Variants in NCKAP1 observed in about 807,000 individuals in gnomAD.
The protein encoded by NCKAP1 is NCK associated protein 1.
NCKAP1 carries 21 observed loss-of-function variants against 151.2 expected under a neutral mutation model. The ratio of observed to expected loss-of-function variants is 0.14; its 90% CI spans 0.10 to 0.20. NCKAP1 has a LOEUF of 0.20. NCKAP1 is among the 10% of genes least tolerant of loss of function. The pLI, the probability that NCKAP1 is intolerant of heterozygous loss-of-function variation, is 1.00. For missense variants in NCKAP1, 933 were observed against 1,352.1 expected, an observed-to-expected ratio of 0.69 and a Z score of 4.86; for synonymous variants, 484 against 451.8, an observed-to-expected ratio of 1.07 and a Z score of -0.90.
intron 1 of NCKAP1, among the ~76,000 whole-genome samples, chr2:183,033,649 A>T (rs539007934): frequency 2.6e-5 from 4 of 152,240 alleles, no homozygotes; most frequent in Non-Finnish European, 5.9e-5. Context: ...AGTAACTGAA[A>T]GAATAGCTCA....
intron 15 of NCKAP1, among the ~76,000 whole-genome samples, chr2:182,968,401 T>C (rs2105840087): frequency 6.6e-6 from 1 of 152,302 alleles, no homozygotes; most frequent in East Asian, 1.9e-4. Context: ...TGTTGGGAGA[T>C]ACTCCTGCAT....
intron 16 of NCKAP1, among the ~76,000 whole-genome samples, chr2:182,966,782 C>A (rs889135922): frequency 6.6e-6 from 1 of 152,180 alleles, no homozygotes; most frequent in Non-Finnish European, 1.5e-5. Flanking sequence ...AAGCACAATG[C>A]AGGAGGTAGT....
chr2:182,948,469 A>G (rs1207847798), intron 23 of NCKAP1, among the ~76,000 whole-genome samples: 1 of 152,164 alleles, frequency 6.6e-6, no homozygotes, highest in Admixed American at 6.5e-5. Context: ...TCCAAAATAT[A>G]AGAGAGAAAT....
In NCKAP1 at chr2:182,967,354, G is replaced by A; in HGVS notation, c.1490C>T (p.Thr497Ile). 1 of 1,597,076 alleles carries A rather than the reference G, an allele frequency of 6.3e-7. No homozygotes were observed. The highest frequency in any genetic ancestry group is 8.5e-7 in the Non-Finnish European group (1 of 1,174,096). Residue 497 changes from threonine to isoleucine, a missense_variant, in exon 16 of 31, where the codon ACT becomes ATT. Thr to Ile is a moderately conservative substitution (Grantham distance 89, BLOSUM62 -1). Coordinates refer to ENST00000361354, the MANE Select transcript of NCKAP1 (RefSeq NM_013436.5). ...GCCAAGTGAAGCCTTTGAGACACTAGTATATGCCTATAAAGTACAAAAAAA... is the reference window on the plus strand; with the variant it reads ...GCCAAGTGAAGCCTTTGAGACACTAATATATGCCTATAAAGTACAAAAAAA... Reference protein sequence around the residue: ...RLDWFRLQAYTSVSKASLGLA... With the variant: ...RLDWFRLQAYISVSKASLGLA...
chr2:182,996,338 C>T (rs980408540), intron 6 of NCKAP1, among the ~76,000 whole-genome samples: 4 of 152,200 alleles, frequency 2.6e-5, no homozygotes, highest in East Asian at 1.9e-4. Flanking sequence ...TCTTTATCAA[C>T]GGGTTTGTTG....
intron 1 of NCKAP1, among the ~76,000 whole-genome samples, chr2:183,025,904 A>T (rs1400565847): frequency 2.0e-5 from 3 of 152,212 alleles, no homozygotes; most frequent in Non-Finnish European, 4.4e-5. Context: ...GTTGTCTTTC[A>T]TATTCTAACT....
intron 23 of NCKAP1, among the ~76,000 whole-genome samples, chr2:182,951,241 A>G (rs533082927): frequency 7.2e-5 from 11 of 152,310 alleles, no homozygotes; most frequent in African/African-American, 2.6e-4. Context: ...GCAAAATACT[A>G]TTAAGTTTGT....
chr2:182,991,563 G>GAATAA lies in NCKAP1; in HGVS notation c.791-2382_791-2378dup, dbSNP rs974126033. Among the ~76,000 whole-genome samples the GAATAA allele has an allele frequency of 4.7e-5, 7 of 149,438 alleles. No homozygotes were observed. The South Asian group carries it at 6.4e-4, about 14-fold the overall frequency. ...GACAGAAAAGACTCAAGTCTCAAAA[G>GAATAA]AATAAAATAAAATAAAATAGATTGC... On this transcript the variant is annotated intron_variant, in intron 8 of 30. Transcript: ENST00000361354.
intron 15 of NCKAP1, 23 bp downstream of exon 15, chr2:182,976,870 T>G (rs774074295): frequency 3.5e-6 from 5 of 1,416,726 alleles, no homozygotes; most frequent in Non-Finnish European, 3.8e-6. Flanking sequence ...CAAAACAGAA[T>G]GACAATAAAA....
At position 182,916,762 on chromosome 2, in the gene NCKAP1, C is replaced by T. The variant is rs924957056; in HGVS notation, c.*8940G>A. The T allele has an allele frequency of 1.3e-5, 2 of 152,138 alleles. No individual in the cohort carries two copies. The highest frequency in any genetic ancestry group is 2.4e-5 in the African/African-American group (1 of 41,440). 9.4% of individuals were successfully genotyped at this position (152,138 alleles called of 1,614,324 possible). A position where few individuals can be genotyped will look rare whatever the true frequency, so the allele number is the denominator to read the frequency against. On this transcript the variant is annotated 3_prime_UTR_variant, in exon 31 of 31. Coordinates refer to ENST00000361354, the MANE Select transcript of NCKAP1 (RefSeq NM_013436.5). The stretch of plus-strand genomic sequence containing the variant: ...GAAAATACAAGCTTTACATCTTATA[C>T]ATTTTTGTGTATAGTATATAAAAAT...
rs1001541402 is a variant in NCKAP1 at position 182,921,217 on chromosome 2, C to T, written c.*4485G>A. 1 of 152,156 alleles carries T rather than the reference C, an allele frequency of 6.6e-6. No homozygotes were observed. The highest frequency in any genetic ancestry group is 1.5e-5 in the Non-Finnish European group (1 of 68,026). The allele number at this position is 152,156 out of a possible 1,614,324, so 9.4% of individuals were successfully genotyped here. A position where few individuals can be genotyped will look rare whatever the true frequency, so the allele number is the denominator to read the frequency against. ...CCTGATACTGCTGAGAAATTAATGA[C>T]TCTGCACTGCATTAAATTTAAAAAA... On this transcript the variant is annotated 3_prime_UTR_variant, in exon 31 of 31. Transcript: ENST00000361354.
rs1308024049 is a variant in NCKAP1 at position 182,964,797 on chromosome 2, C to T, written c.1640G>A (p.Arg547His). The T allele has an allele frequency of 5.0e-6, 8 of 1,598,990 alleles. No individual in the cohort carries two copies. The highest frequency in any genetic ancestry group is 4.5e-5 in the East Asian group (2 of 44,260). The change falls in exon 17 of 31, where the codon CGT (arginine) becomes CAT (histidine). Residue 547 changes from arginine to histidine, a missense_variant. Around this residue, in one of 2 missense-constraint regions of NCKAP1, gnomAD observed 607 missense variants for 795.0 expected, o/e 0.76. Transcript: ENST00000361354. ...CTGTTGAAACATCTTCTCAAAAGCA[C>T]GACTATAAAAACTATATAAACAAAA... ...SDLSIFCFYS[R>H]AFEKMFQQCL...
chr2:182,968,683 A>G lies in NCKAP1; in HGVS notation c.1483-1322T>C, dbSNP rs1455839511. Among the ~76,000 whole-genome samples, 10 of 152,342 alleles carry G rather than the reference A, an allele frequency of 6.6e-5. No homozygotes were observed. In the East Asian group the frequency reaches 1.3e-3, roughly 21 times the overall value. On this transcript the variant is annotated intron_variant, in intron 15 of 30. Transcript: ENST00000361354. ...GTACCACACCTGCAGAGCTTAGGGAAATAGCAGAAATAATGCATATATGCT... is the reference window on the plus strand; with the variant it reads ...GTACCACACCTGCAGAGCTTAGGGAGATAGCAGAAATAATGCATATATGCT...
At chr2:183,016,713 G>A (rs1382296902) in intron 2 of NCKAP1, among the ~76,000 whole-genome samples, 2 of 152,186 alleles carry the variant, frequency 1.3e-5, no homozygotes, top group African/African-American at 4.8e-5. Context: ...TGAGTGCGTG[G>A]TCCAGGAAGA....
In NCKAP1 at chr2:183,003,247, C is replaced by A; in HGVS notation, c.298G>T (p.Val100Phe). Reference protein sequence around the residue: ...LALYYFTFVDVMEFKDHVCEL... With the variant: ...LALYYFTFVDFMEFKDHVCEL... Reference sequence around the variant, plus strand: ...AAAATACATACCTTAAATTCCATAACATCTACAAATGTGAAGTAATATAAT... The same window carrying A: ...AAAATACATACCTTAAATTCCATAAAATCTACAAATGTGAAGTAATATAAT... The change falls in exon 3 of 31, where the codon GTT (valine) becomes TTT (phenylalanine). Residue 100 changes from valine to phenylalanine, a missense_variant. Val to Phe is a conservative substitution (Grantham distance 50). Transcript: ENST00000361354. 2 of 1,535,542 alleles carry A rather than the reference C, an allele frequency of 1.3e-6. No individual in the cohort carries two copies. The highest frequency in any genetic ancestry group is 2.3e-5 in the East Asian group (1 of 44,094).
At chr2:183,019,120 A>T (rs1027269600) in intron 2 of NCKAP1, among the ~76,000 whole-genome samples, 1 of 152,100 alleles carries the variant, frequency 6.6e-6, no homozygotes, top group African/African-American at 2.4e-5. Context: ...CTCCTGTGGC[A>T]CTCTACTCGC....
intron 10 of NCKAP1, among the ~76,000 whole-genome samples, chr2:182,984,626 T>TC (rs1377391611): frequency 2.7e-5 from 4 of 147,558 alleles, no homozygotes; most frequent in African/African-American, 9.7e-5. Flanking sequence ...GACATCTGTC[T>TC]CAAAAGATGC....
chr2:182,927,805 G>A (rs377477894), intron 29 of NCKAP1, among the ~76,000 whole-genome samples: 1 of 151,776 alleles, frequency 6.6e-6, no homozygotes, highest in African/African-American at 2.4e-5. Flanking sequence ...ACATCAGCTT[G>A]GGGAAAAAAG....
chr2:183,006,079 T>C (rs116748030), intron 2 of NCKAP1, among the ~76,000 whole-genome samples: 124 of 152,330 alleles, frequency 8.1e-4, no homozygotes, highest in African/African-American at 2.8e-3. Context: ...GTCCATATCA[T>C]ACAGTTCTGG....
Sources: gnomAD v4.1 joint callset for allele counts (sites outside exome capture counted in the v4.1 genomes callset) on GRCh38, gnomAD v4.1.1 for gene constraint, gnomAD v4.1.1 regional missense constraint, MANE v1.5 for transcripts, NCBI Gene and HGNC (gene_info 2026-07-23, HGNC 2026-07-21) for gene names.